Variants in ZNF280D observed in about 807,000 individuals in gnomAD.
ZNF280D encodes the protein zinc finger protein 280D, also known as suppressor of hairy wing homolog 4.
A neutral mutation model predicts 94.7 loss-of-function variants in ZNF280D; 39 were observed. The observed-to-expected ratio is 0.41, with a 90% confidence interval of 0.32 to 0.54. The LOEUF is 0.54. ZNF280D is among the 20% of genes least tolerant of loss of function. ZNF280D has a pLI of 0.22. For synonymous variants in ZNF280D, 398 were observed against 377.6 expected (o/e 1.05, Z -0.63); for missense variants, 1,090 against 1,149.3 (o/e 0.95, Z 0.75).
At position 56,656,259 on chromosome 15, in the gene ZNF280D, T is replaced by A. The variant is rs181112758; in HGVS notation, c.2058-1756A>T. ...ACGTAATAAATAGTTACGGAATGAATAGTCTATTTCAATAAGAATAATTAC... is the reference window on the plus strand; with the variant it reads ...ACGTAATAAATAGTTACGGAATGAAAAGTCTATTTCAATAAGAATAATTAC... On this transcript the variant is annotated intron_variant, in intron 17 of 21. Transcript: ENST00000267807. Among the ~76,000 whole-genome samples the A allele has an allele frequency of 5.5e-3, 838 of 152,332 alleles. 7 individuals are homozygous for A. The highest frequency in any genetic ancestry group is 9.4e-3 in the Non-Finnish European group (637 of 68,018).
chr15:56,637,350 A>AT (rs11318323), intron 20 of ZNF280D, among the ~76,000 whole-genome samples: 6 of 147,904 alleles, frequency 4.1e-5, no homozygotes, highest in African/African-American at 9.9e-5. Context: ...AGTTAAAAAC[A>AT]TTTTTTTTTT....
rs546520931 is a variant in ZNF280D, at chr15:56,633,494, CT to C, written c.2316-1373del. ...TATAAAAAATCTAATATCTTTTTATCTTTTTTTTTTTGAGGGGGGACAGTCT... is the reference window on the plus strand; with the variant it reads ...TATAAAAAATCTAATATCTTTTTATCTTTTTTTTTTGAGGGGGGACAGTCT... On this transcript the variant is annotated intron_variant, in intron 21 of 21. Coordinates refer to ENST00000267807, the MANE Select transcript of ZNF280D (RefSeq NM_017661.4). Among the ~76,000 whole-genome samples, 413 of 146,178 alleles carry C rather than the reference CT, an allele frequency of 2.8e-3. 2 individuals carry two copies. Among genetic ancestry groups the C allele is most frequent in the African/African-American group, 6.6e-3 (263 of 40,112 alleles).
intron 17 of ZNF280D, 84 bp downstream of exon 17, chr15:56,658,340 A>G (rs2053682680): frequency 1.1e-6 from 1 of 911,886 alleles, no homozygotes; most frequent in Non-Finnish European, 1.7e-6. Flanking sequence ...TGCTAATTCT[A>G]CCTCAATAAA....
At chr15:56,716,926 C>T (rs2058080971) in intron 1 of ZNF280D, among the ~76,000 whole-genome samples, 1 of 152,148 alleles carries the variant, frequency 6.6e-6, no homozygotes, top group Non-Finnish European at 1.5e-5. Context: ...TCCTGGGCTT[C>T]ACTTCCTCTG....
chr15:56,633,515 C>A (rs1220395967), intron 21 of ZNF280D, among the ~76,000 whole-genome samples: 1 of 150,840 alleles, frequency 6.6e-6, no homozygotes, highest in East Asian at 1.9e-4. Flanking sequence ...TGAGGGGGGA[C>A]AGTCTCACTG....
intron 17 of ZNF280D, among the ~76,000 whole-genome samples, chr15:56,655,109 A>T (rs533857139): frequency 6.6e-6 from 1 of 152,322 alleles, no homozygotes; most frequent in East Asian, 1.9e-4. Flanking sequence ...ATTTCATCTG[A>T]TTCTCACTAC....
intron 13 of ZNF280D, among the ~76,000 whole-genome samples, chr15:56,673,743 CT>C (rs1392199495): frequency 2.0e-5 from 3 of 152,070 alleles, no homozygotes; most frequent in Admixed American, 1.3e-4. Context: ...TCCAGCCACA[CT>C]GGCCTCCTTG....
intron 19 of ZNF280D, among the ~76,000 whole-genome samples, chr15:56,644,763 C>G (rs1389183496): frequency 6.6e-6 from 1 of 152,106 alleles, no homozygotes; most frequent in African/African-American, 2.4e-5. Context: ...AGAGGAAACA[C>G]AGTCCTCTTG....
intron 3 of ZNF280D, among the ~76,000 whole-genome samples, chr15:56,706,273 G>C (rs566861164): frequency 8.0e-5 from 12 of 149,590 alleles, no homozygotes; most frequent in African/African-American, 2.7e-4. Flanking sequence ...TCAGTAGTTC[G>C]ATACCAGCCT....
intron 6 of ZNF280D, chr15:56,700,108 AC>A: frequency 1.4e-6 from 1 of 732,164 alleles, no homozygotes; most frequent in Non-Finnish European, 1.7e-6. Flanking sequence ...GTCTTGGGGA[AC>A]CCCAGGGGAT....
chr15:56,728,010 G>A (rs1288180383), intron 1 of ZNF280D, among the ~76,000 whole-genome samples: 1 of 151,754 alleles, frequency 6.6e-6, no homozygotes, highest in African/African-American at 2.4e-5. Flanking sequence ...CTTTACAAGT[G>A]TGTGCTAAAA....
chr15:56,721,050 C>T (rs2058334101), intron 1 of ZNF280D, among the ~76,000 whole-genome samples: 1 of 151,458 alleles, frequency 6.6e-6, no homozygotes, highest in African/African-American at 2.4e-5. Flanking sequence ...GCAACTTCTG[C>T]CACCCAGGTT....
intron 16 of ZNF280D, among the ~76,000 whole-genome samples, chr15:56,661,706 A>G (rs1212302277): frequency 2.6e-5 from 4 of 152,142 alleles, no homozygotes; most frequent in African/African-American, 9.7e-5. Flanking sequence ...TCATTTGTTT[A>G]TCACAATAAC....
chr15:56,647,115 T>C (rs185011597), intron 19 of ZNF280D, among the ~76,000 whole-genome samples: 81 of 152,288 alleles, frequency 5.3e-4, no homozygotes, highest in Non-Finnish European at 1.1e-3. Flanking sequence ...AATAGGAAAG[T>C]ATGACCAAAT....
At chr15:56,707,940 A>C (rs2057515344) in intron 1 of ZNF280D, among the ~76,000 whole-genome samples, 1 of 151,998 alleles carries the variant, frequency 6.6e-6, no homozygotes, top group South Asian at 2.1e-4. Flanking sequence ...TGTTAGAATA[A>C]ACATTTTTTT....
At chr15:56,659,812 A>G (rs57081561) in intron 16 of ZNF280D, among the ~76,000 whole-genome samples, 370 of 152,170 alleles carry the variant, frequency 2.4e-3, no homozygotes, top group African/African-American at 8.6e-3. Context: ...GCTAAAGTTT[A>G]AGAAACAGCA....
At chr15:56,667,801 C>A (rs75102657) in intron 14 of ZNF280D, among the ~76,000 whole-genome samples, 5,383 of 152,202 alleles carry the variant, frequency 0.035, 339 homozygotes, top group Admixed American at 0.16. Context: ...CCTCTCTATG[C>A]TTCTTCACAT....
chr15:56,680,593 C>G (rs2055551360), intron 10 of ZNF280D, among the ~76,000 whole-genome samples: 1 of 149,846 alleles, frequency 6.7e-6, no homozygotes, highest in Non-Finnish European at 1.5e-5. Context: ...CCTCCCACCT[C>G]AGCCCCACAA....
At chr15:56,715,959 C>T (rs987479503) in intron 1 of ZNF280D, among the ~76,000 whole-genome samples, 25 of 152,182 alleles carry the variant, frequency 1.6e-4, no homozygotes, top group African/African-American at 6.0e-4. Context: ...ATTTACATAG[C>T]ATTTACTTTG....
Sources: gnomAD v4.1 joint callset for allele counts (sites outside exome capture counted in the v4.1 genomes callset) on GRCh38, gnomAD v4.1.1 for gene constraint, MANE v1.5 for transcripts, NCBI Gene and HGNC (gene_info 2026-07-23, HGNC 2026-07-21) for gene names.